The following SPDYA variants were observed in gnomAD, a reference collection of about 807,000 sequenced individuals.
The protein encoded by SPDYA is speedy protein A.
SPDYA carries 11 observed loss-of-function variants against 36.7 expected under a neutral mutation model. The ratio of observed to expected loss-of-function variants is 0.30; its 90% CI spans 0.19 to 0.50. The LOEUF is 0.50. Ranked by LOEUF, SPDYA falls within the 20% of genes least tolerant of loss-of-function variation. The pLI, the probability that SPDYA is intolerant of heterozygous loss-of-function variation, is 0.98. For synonymous variants in SPDYA, 115 were observed against 118.7 expected, an observed-to-expected ratio of 0.97 and a Z score of 0.20; for missense variants, 287 against 370.9, an observed-to-expected ratio of 0.77 and a Z score of 1.86.
intron 4 of SPDYA, among the ~76,000 whole-genome samples, chr2:28,819,890 ATATATATATATATT>A (rs1558322495): frequency 1.2e-5 from 1 of 82,426 alleles, no homozygotes; most frequent in East Asian, 3.6e-4. Context: ...ATATATATAT[ATATATATATATATT>A]TTATCCTGAG....
intron 6 of SPDYA, among the ~76,000 whole-genome samples, chr2:28,838,344 A>T (rs1036276961): frequency 6.6e-6 from 1 of 151,768 alleles, no homozygotes; most frequent in Non-Finnish European, 1.5e-5. Flanking sequence ...ACCATGCCCA[A>T]CTAATTTTGT....
chr2:28,815,847 A>G (rs1667970342), intron 2 of SPDYA, 150 bp from the exon 3 acceptor site: 5 of 547,254 alleles, frequency 9.1e-6, no homozygotes, highest in Admixed American at 3.7e-5. Flanking sequence ...TTTCAAAAGC[A>G]ATTTTTAATG....
chr2:28,819,013 T>C, intron 3 of SPDYA, 35 bp from the exon 4 acceptor site: 1 of 1,532,970 alleles, frequency 6.5e-7, no homozygotes, highest in Non-Finnish European at 9.0e-7. Flanking sequence ...ACATTCTGTT[T>C]TTAAAAGACA....
intron 6 of SPDYA, among the ~76,000 whole-genome samples, chr2:28,835,776 A>G (rs1052799161): frequency 6.6e-6 from 1 of 152,236 alleles, no homozygotes; most frequent in Non-Finnish European, 1.5e-5. Context: ...GTACATTTGA[A>G]TCCTGTAGGC....
intron 7 of SPDYA, among the ~76,000 whole-genome samples, chr2:28,844,749 T>C (rs764146603): frequency 6.6e-6 from 1 of 151,956 alleles, no homozygotes; most frequent in South Asian, 2.1e-4. Flanking sequence ...GCCTGACCAA[T>C]ATGGTGAAAC....
At chr2:28,832,168 T>C (rs973948650) in intron 6 of SPDYA, among the ~76,000 whole-genome samples, 2 of 150,228 alleles carry the variant, frequency 1.3e-5, no homozygotes, top group African/African-American at 5.1e-5. Context: ...ACCTGTTATA[T>C]AAAGTATTTT....
rs1393063807 is a variant in SPDYA at position 28,840,216 on chromosome 2, T to C, written c.597T>C (p.Arg199=). 6.2e-7 allele frequency: 1 copy of C among 1,614,210 alleles called. No homozygotes were observed. ...APTHYIWQRE[R]SVHHSGAVRN... ...CCCATTATATCTGGCAAAGAGAACG[T>C]TCTGTTCATCACAGTGGAGCTGTCA... The change falls in exon 7 of 8, where the codon CGT becomes CGC. Residue 199 remains arginine (R), a synonymous_variant. Transcript: ENST00000334056.
chr2:28,850,243 C>T lies in SPDYA; in HGVS notation c.*302C>T. Reference sequence around the variant, plus strand: ...ACCTTCCTCAACTTGACAAGAAAAGCTAATTTAAGAGAAGAAAAACATAAA... The same window carrying T: ...ACCTTCCTCAACTTGACAAGAAAAGTTAATTTAAGAGAAGAAAAACATAAA... On this transcript the variant is annotated 3_prime_UTR_variant, in exon 8 of 8. Coordinates refer to ENST00000334056, the MANE Select transcript of SPDYA (RefSeq NM_182756.4). 1 of 1,610,886 alleles carries T rather than the reference C, an allele frequency of 6.2e-7. No homozygotes were observed. The highest frequency in any genetic ancestry group is 1.1e-5 in the South Asian group (1 of 90,476).
intron 7 of SPDYA, 55 bp from the exon 8 acceptor site, chr2:28,849,795 T>C (rs1300015091): frequency 1.0e-6 from 1 of 990,024 alleles, no homozygotes; most frequent in African/African-American, 1.7e-5. Flanking sequence ...TTATAAGATG[T>C]ATTTAAAATG....
chr2:28,821,606 GAGTACTTTACTGGA>G (rs1668170643), intron 4 of SPDYA, among the ~76,000 whole-genome samples: 1 of 152,170 alleles, frequency 6.6e-6, no homozygotes, highest in Non-Finnish European at 1.5e-5. Flanking sequence ...ACGATCTCAA[GAGTACTTTACTGGA>G]AGTTACTGTG....
chr2:28,847,113 C>G (rs188390242), intron 7 of SPDYA, among the ~76,000 whole-genome samples: 1 of 152,112 alleles, frequency 6.6e-6, no homozygotes, highest in South Asian at 2.1e-4. Flanking sequence ...GTGGCTGAGT[C>G]GGGTGGATCA....
At chr2:28,824,153 G>A (rs1240293753) in intron 5 of SPDYA, among the ~76,000 whole-genome samples, 1 of 151,890 alleles carries the variant, frequency 6.6e-6, no homozygotes, top group East Asian at 2.0e-4. Flanking sequence ...TACTCAAAGT[G>A]TATTTAATTC....
intron 5 of SPDYA, among the ~76,000 whole-genome samples, chr2:28,826,400 G>A (rs1668320793): frequency 6.6e-6 from 1 of 152,086 alleles, no homozygotes; most frequent in African/African-American, 2.4e-5. Flanking sequence ...GCCTCCCAAA[G>A]TACTGGGATT....
chr2:28,826,499 T>C (rs970741643), intron 5 of SPDYA, among the ~76,000 whole-genome samples: 2 of 152,054 alleles, frequency 1.3e-5, no homozygotes, highest in Non-Finnish European at 2.9e-5. Flanking sequence ...TTCAAATATT[T>C]CTCTTCCTCT....
chr2:28,840,554 T>C, intron 7 of SPDYA, 85 bp downstream of exon 7: 2 of 1,509,172 alleles, frequency 1.3e-6, no homozygotes, highest in Non-Finnish European at 1.8e-6. Flanking sequence ...GGATACATAA[T>C]AATTTATATA....
chr2:28,834,116 T>A (rs1270532586), intron 6 of SPDYA, among the ~76,000 whole-genome samples: 1 of 105,278 alleles, frequency 9.5e-6, no homozygotes, highest in African/African-American at 3.3e-5. Context: ...ACACACACAC[T>A]TGAAAAGATG....
intron 6 of SPDYA, among the ~76,000 whole-genome samples, chr2:28,835,661 A>G (rs1572509965): frequency 6.6e-6 from 1 of 152,378 alleles, no homozygotes; most frequent in East Asian, 1.9e-4. Context: ...TATCCATTAA[A>G]TAGGGAAACA....
chr2:28,841,353 G>C (rs1469244736), intron 7 of SPDYA, among the ~76,000 whole-genome samples: 3 of 151,980 alleles, frequency 2.0e-5, no homozygotes, highest in Non-Finnish European at 4.4e-5. Context: ...AACCTTATTA[G>C]CTGAAAAAAT....
intron 5 of SPDYA, among the ~76,000 whole-genome samples, chr2:28,825,538 T>A (rs913698159): frequency 2.0e-5 from 3 of 152,210 alleles, no homozygotes; most frequent in Admixed American, 6.6e-5. Flanking sequence ...GCTCAAGTTC[T>A]TTTCCTTTCT....
Sources: allele counts gnomAD v4.1 joint callset (sites outside exome capture counted in the v4.1 genomes callset), GRCh38; gene constraint gnomAD v4.1.1; transcripts MANE v1.5; gene names NCBI Gene and HGNC (gene_info 2026-07-23, HGNC 2026-07-21).